UBE2F: variants seen among roughly 807,000 people sequenced by gnomAD.
UBE2F encodes NEDD8-conjugating enzyme UBE2F.
UBE2F carries 5 observed loss-of-function variants against 29.6 expected under a neutral mutation model. That is an observed-to-expected ratio of 0.17 (90% CI 0.09 to 0.36). The LOEUF (loss-of-function observed/expected upper bound fraction) is 0.36, where lower values mean the gene tolerates loss of function less well. Ranked by LOEUF, UBE2F falls within the 10% of genes least tolerant of loss-of-function variation. The pLI, the probability that UBE2F is intolerant of heterozygous loss-of-function variation, is 1.00. For synonymous variants in UBE2F, 66 were observed against 81.8 expected (o/e 0.81, Z 1.04); for missense variants, 141 against 228.5 (o/e 0.62, Z 2.47).
At chr2:237,994,434 A>G (rs2063649853) in intron 3 of UBE2F, among the ~76,000 whole-genome samples, 1 of 152,160 alleles carries the variant, frequency 6.6e-6, no homozygotes, top group South Asian at 2.1e-4. Context: ...TCTTCTTGTC[A>G]AAGTACAGTA....
At chr2:238,037,692 A>G (rs370187437) in intron 9 of UBE2F, among the ~76,000 whole-genome samples, 132 of 152,146 alleles carry the variant, frequency 8.7e-4, no homozygotes, top group African/African-American at 3.1e-3. Context: ...TGCAACCTCT[A>G]TCTCCCGGGT....
chr2:238,041,252 GTTC>G lies in UBE2F; in HGVS notation c.508-30_508-28del, dbSNP rs550912245. On this transcript the variant is annotated intron_variant, in intron 9 of 9. Transcript: ENST00000272930. Reference sequence around the variant, plus strand: ...CTTCACTCACTCACTCACTCCTCCTGTTCTTCTTTCTGTCCCCAATGCTGTTAC... The same window carrying G: ...CTTCACTCACTCACTCACTCCTCCTGTTCTTTCTGTCCCCAATGCTGTTAC... 626 of 1,607,872 alleles carry G rather than the reference GTTC, an allele frequency of 3.9e-4. 3 individuals carry two copies. In the African/African-American group the frequency reaches 7.4e-3, roughly 19 times the overall value.
chr2:237,993,793 T>A (rs935405576), intron 3 of UBE2F, among the ~76,000 whole-genome samples: 11 of 152,222 alleles, frequency 7.2e-5, no homozygotes, highest in Admixed American at 6.5e-4. Context: ...TCCTTGGGTA[T>A]TTTTCCTATG....
At chr2:238,022,023 G>A (rs2064306005) in intron 5 of UBE2F, among the ~76,000 whole-genome samples, 1 of 152,168 alleles carries the variant, frequency 6.6e-6, no homozygotes, top group African/African-American at 2.4e-5. Context: ...ATGCCAGTTG[G>A]CATCCTCACC....
chr2:238,019,510 G>A (rs937182461), intron 5 of UBE2F, among the ~76,000 whole-genome samples: 1 of 151,974 alleles, frequency 6.6e-6, no homozygotes, highest in East Asian at 1.9e-4. Context: ...GGGATTACAC[G>A]CATGTACCAC....
intron 5 of UBE2F, 95 bp downstream of exon 5, chr2:238,016,728 CT>C: frequency 1.0e-6 from 1 of 992,262 alleles, no homozygotes; most frequent in Non-Finnish European, 1.5e-6. Flanking sequence ...GCACTCCCCT[CT>C]GCGTGTGTCC....
At chr2:238,028,033 G>A (rs776257278) in intron 6 of UBE2F, among the ~76,000 whole-genome samples, 53 of 152,340 alleles carry the variant, frequency 3.5e-4, no homozygotes, top group Non-Finnish European at 5.6e-4. Flanking sequence ...ATTACAGTTC[G>A]TGGGGTGTCC....
chr2:237,984,262 T>C (rs1345348875), intron 2 of UBE2F, among the ~76,000 whole-genome samples: 1 of 152,208 alleles, frequency 6.6e-6, no homozygotes, highest in African/African-American at 2.4e-5. Context: ...TGCCCATCTC[T>C]TAGGTCACTG....
chr2:238,026,578 C>T (rs2106398862), intron 6 of UBE2F, among the ~76,000 whole-genome samples: 1 of 152,226 alleles, frequency 6.6e-6, no homozygotes. Context: ...GGACTACAGG[C>T]GCCTACCACT....
intron 3 of UBE2F, 90 bp from the exon 4 acceptor site, chr2:237,994,654 C>T: frequency 1.0e-6 from 1 of 998,042 alleles, no homozygotes; most frequent in Non-Finnish European, 1.6e-6. Context: ...CCCTGTAGCA[C>T]CGCTAACTTT....
rs532424789 is a variant in UBE2F at position 238,003,443 on chromosome 2, C to T, written c.214+8634C>T. The T allele has an allele frequency of 9.2e-4, 431 of 470,104 alleles. 11 individuals are homozygous for T. The highest frequency in any genetic ancestry group is 6.5e-3 in the South Asian group (421 of 64,568). The allele number at this position is 470,104 out of a possible 1,614,324, so 29.1% of individuals were successfully genotyped here. ...ACCCCATCATCTGATACAGAGACAC[C>T]TGATCTGTTCTCACATTGGTCTGTC... On this transcript the variant is annotated intron_variant, in intron 4 of 9. Coordinates refer to ENST00000272930, the MANE Select transcript of UBE2F (RefSeq NM_080678.3).
intron 4 of UBE2F, among the ~76,000 whole-genome samples, chr2:238,004,481 A>G (rs954902707): frequency 2.0e-5 from 3 of 152,012 alleles, no homozygotes; most frequent in African/African-American, 7.3e-5. Context: ...TGTTTTATAA[A>G]TGTTTTTTCC....
chr2:238,030,478 C>T (rs2106405320), intron 6 of UBE2F, 78 bp from the exon 7 acceptor site: 1 of 983,442 alleles, frequency 1.0e-6, no homozygotes, highest in South Asian at 1.3e-5. Flanking sequence ...GCATGGCACA[C>T]ACCGAGAGGA....
At chr2:237,985,708 G>A (rs958326358) in intron 2 of UBE2F, among the ~76,000 whole-genome samples, 7 of 152,338 alleles carry the variant, frequency 4.6e-5, no homozygotes, top group African/African-American at 1.7e-4. Context: ...TCTTTGGGTA[G>A]ATAACCAGAG....
At chr2:237,968,723 G>A (rs1576582214) in intron 1 of UBE2F, 3 of 381,288 alleles carry the variant, frequency 7.9e-6, no homozygotes, top group Non-Finnish European at 1.1e-5. Flanking sequence ...ACCCAGAGGA[G>A]GAACCTAACT....
At chr2:237,981,699 AC>A (rs1354832163) in intron 2 of UBE2F, among the ~76,000 whole-genome samples, 2 of 131,828 alleles carry the variant, frequency 1.5e-5, no homozygotes, top group Non-Finnish European at 3.1e-5. Flanking sequence ...CGATCTCAGC[AC>A]ACTGTAACCT....
chr2:237,982,020 G>T lies in UBE2F; in HGVS notation c.119-5943G>T, dbSNP rs531280270. Among the ~76,000 whole-genome samples, 1 of 152,102 alleles carries T rather than the reference G, an allele frequency of 6.6e-6. No homozygotes were observed. The highest frequency in any genetic ancestry group is 1.9e-4 in the East Asian group (1 of 5,194). Reference sequence around the variant, plus strand: ...ATTAGGAGTTTTAAAAGCTCAGCAGGTACTGGATTGTGGTAATGGATCCAT... The same window carrying T: ...ATTAGGAGTTTTAAAAGCTCAGCAGTTACTGGATTGTGGTAATGGATCCAT... On this transcript the variant is annotated intron_variant, in intron 2 of 9. Coordinates refer to ENST00000272930, the MANE Select transcript of UBE2F (RefSeq NM_080678.3). The surrounding 1 kb of genome is among the most constrained non-coding windows in gnomAD (Gnocchi z 4.1).
intron 5 of UBE2F, among the ~76,000 whole-genome samples, chr2:238,022,179 T>TTTTTTTTTTTTTTTC (rs2064311968): frequency 1.3e-5 from 2 of 149,438 alleles, no homozygotes; most frequent in Admixed American, 1.3e-4. Flanking sequence ...TCTTTTCTTT[T>TTTTTTTTTTTTTTTC]TTTTTTTGGA....
At chr2:237,987,825 T>G in intron 2 of UBE2F, 138 bp from the exon 3 acceptor site, 1 of 581,854 alleles carries the variant, frequency 1.7e-6, no homozygotes, top group Non-Finnish European at 3.0e-6. Context: ...AAGTCTAAAC[T>G]TTAGACCAGG....
Sources: gnomAD v4.1 joint callset for allele counts (sites outside exome capture counted in the v4.1 genomes callset) on GRCh38, gnomAD v4.1.1 for gene constraint, Gnocchi (gnomAD v3.1) non-coding constraint, MANE v1.5 for transcripts, NCBI Gene and HGNC (gene_info 2026-07-23, HGNC 2026-07-21) for gene names.